Variants in DCLK1 observed in about 807,000 individuals in gnomAD.
The protein encoded by DCLK1 is doublecortin like kinase 1.
Under a neutral mutation model 86.2 loss-of-function variants are expected in DCLK1, and 16 were observed. That is an observed-to-expected ratio of 0.19 (90% CI 0.13 to 0.28). DCLK1 has a LOEUF of 0.28. Among genes scored for constraint, DCLK1 ranks in the 10% least tolerant of loss-of-function variants. DCLK1 has a pLI of 1.00. For missense variants in DCLK1, 590 were observed against 940.2 expected (o/e 0.63, Z 4.87); for synonymous variants, 369 against 370.5 (o/e 1.00, Z 0.05).
chr13:35,889,251 C>A (rs1470994169), intron 4 of DCLK1, among the ~76,000 whole-genome samples: 2 of 152,256 alleles, frequency 1.3e-5, no homozygotes, highest in East Asian at 3.9e-4. Context: ...AAATATCAAC[C>A]CTTCATGCAT....
chr13:35,995,389 A>G (rs1345601159), intron 3 of DCLK1, among the ~76,000 whole-genome samples: 1 of 152,214 alleles, frequency 6.6e-6, no homozygotes, highest in Non-Finnish European at 1.5e-5. Context: ...AATATTTTTA[A>G]TGGGCCACAC....
At chr13:35,955,649 A>C (rs553962484) in intron 3 of DCLK1, among the ~76,000 whole-genome samples, 1 of 152,302 alleles carries the variant, frequency 6.6e-6, no homozygotes, top group South Asian at 2.1e-4. Context: ...TTGGCCACCT[A>C]ATAGATGTGT....
chr13:35,928,569 TAC>T (rs1876254118), intron 4 of DCLK1, among the ~76,000 whole-genome samples: 1 of 152,220 alleles, frequency 6.6e-6, no homozygotes, highest in South Asian at 2.1e-4. Context: ...TACCTTCCGA[TAC>T]ACTAAGTAAT....
intron 3 of DCLK1, among the ~76,000 whole-genome samples, chr13:36,016,337 T>A (rs1881537066): frequency 6.6e-6 from 1 of 152,190 alleles, no homozygotes; most frequent in South Asian, 2.1e-4. Flanking sequence ...GTATTTCCTT[T>A]CTGCCATTAT....
At chr13:35,858,014 A>G (rs1431863715) in intron 5 of DCLK1, among the ~76,000 whole-genome samples, 1 of 152,316 alleles carries the variant, frequency 6.6e-6, no homozygotes, top group Admixed American at 6.5e-5. Context: ...AATGAGAAGA[A>G]AAACAAAAAC....
intron 15 of DCLK1, among the ~76,000 whole-genome samples, chr13:35,803,822 G>A (rs2086970793): frequency 1.3e-5 from 2 of 152,184 alleles, no homozygotes; most frequent in Non-Finnish European, 2.9e-5. Flanking sequence ...CAGTGCAGTA[G>A]GGAGGCTGGT....
chr13:35,834,662 G>A (rs991719401), intron 8 of DCLK1, among the ~76,000 whole-genome samples: 5 of 152,224 alleles, frequency 3.3e-5, no homozygotes, highest in Non-Finnish European at 7.3e-5. Context: ...CATTTTCCAT[G>A]TTTGGCACAA....
intron 3 of DCLK1, among the ~76,000 whole-genome samples, chr13:36,063,962 A>G (rs1883650916): frequency 6.6e-6 from 1 of 152,202 alleles, no homozygotes; most frequent in South Asian, 2.1e-4. Flanking sequence ...TTTTTAAAAC[A>G]TGACCTGAAG....
intron 3 of DCLK1, among the ~76,000 whole-genome samples, chr13:35,958,529 T>C (rs910348482): frequency 1.3e-5 from 2 of 150,942 alleles, no homozygotes; most frequent in African/African-American, 4.9e-5. Flanking sequence ...AACAGCAGTA[T>C]AACTACCAAT....
chr13:35,779,007 AATTT>A (rs937421158), intron 16 of DCLK1, among the ~76,000 whole-genome samples: 16 of 151,366 alleles, frequency 1.1e-4, no homozygotes, highest in African/African-American at 9.7e-5. Flanking sequence ...TGCCCACTCA[AATTT>A]ATTTATTTAT....
chr13:35,838,589 C>T (rs1475463632), intron 7 of DCLK1, among the ~76,000 whole-genome samples: 1 of 152,202 alleles, frequency 6.6e-6, no homozygotes, highest in Non-Finnish European at 1.5e-5. Flanking sequence ...ATCACAGAGA[C>T]ATTCTGCAGT....
chr13:35,853,533 G>C (rs1436402260), intron 6 of DCLK1, among the ~76,000 whole-genome samples: 2 of 152,176 alleles, frequency 1.3e-5, no homozygotes, highest in Non-Finnish European at 2.9e-5. Context: ...CACAACCTGT[G>C]CAGAAATCTT....
rs377513285 is a variant in DCLK1 at position 35,827,291 on chromosome 13, C to T, written c.1407+344G>A. Among the ~76,000 whole-genome samples, 281 of 152,306 alleles carry T rather than the reference C, an allele frequency of 1.8e-3. 9 individuals are homozygous for T. In the South Asian group the frequency reaches 0.048, roughly 26 times the overall value. Reference sequence around the variant, plus strand: ...AGTGAATGATTTTCCATTACAACAACGACAATTGTATTGGTACCTAATGCT... The same window carrying T: ...AGTGAATGATTTTCCATTACAACAATGACAATTGTATTGGTACCTAATGCT... On this transcript the variant is annotated intron_variant, in intron 10 of 16. Coordinates refer to ENST00000360631, the MANE Select transcript of DCLK1 (RefSeq NM_001330071.2).
intron 16 of DCLK1, among the ~76,000 whole-genome samples, chr13:35,786,049 T>G (rs1346994990): frequency 6.6e-6 from 1 of 152,222 alleles, no homozygotes; most frequent in Non-Finnish European, 1.5e-5. Flanking sequence ...GAGCACTTTA[T>G]GTGCGCAAGA....
At chr13:36,061,287 T>C (rs1262489005) in intron 3 of DCLK1, among the ~76,000 whole-genome samples, 2 of 152,162 alleles carry the variant, frequency 1.3e-5, no homozygotes, top group East Asian at 3.8e-4. Flanking sequence ...AGTTACAGCC[T>C]TGAAGTAAGC....
rs948623997 is a variant in DCLK1, at chr13:35,849,942, A to T, written c.1035+4557T>A. On this transcript the variant is annotated intron_variant, in intron 6 of 16. Transcript: ENST00000360631. The stretch of plus-strand genomic sequence containing the variant: ...ATATGATTGTAAGAAAAAATTATAC[A>T]ATCTATAGCAATGCCATTGGCCAAG... 3.1e-6 allele frequency: 3 copies of T among 956,460 alleles called. No individual in the cohort carries two copies. In the African/African-American group the frequency reaches 5.3e-5, roughly 17 times the overall value. 59.2% of individuals were successfully genotyped at this position (956,460 alleles called of 1,614,324 possible).
intron 3 of DCLK1, among the ~76,000 whole-genome samples, chr13:35,948,671 A>T (rs142255481): frequency 9.8e-5 from 15 of 152,342 alleles, no homozygotes; most frequent in African/African-American, 3.4e-4. Flanking sequence ...ATTTCTAAAT[A>T]ATCACTTGGC....
intron 8 of DCLK1, among the ~76,000 whole-genome samples, chr13:35,829,917 A>G (rs973425492): frequency 3.3e-5 from 5 of 152,188 alleles, no homozygotes; most frequent in African/African-American, 1.2e-4. Context: ...TTGATCTTTC[A>G]ACAAAGACTC....
chr13:35,826,117 G>A lies in DCLK1; in HGVS notation c.1407+1518C>T, dbSNP rs562090307. On this transcript the variant is annotated intron_variant, in intron 10 of 16. Coordinates refer to ENST00000360631, the MANE Select transcript of DCLK1 (RefSeq NM_001330071.2). ...GTGAGTCACTGCGCCTGGCCCATGAGACACTGCCCAGCCGACTTTTCTTTA... is the reference window on the plus strand; with the variant it reads ...GTGAGTCACTGCGCCTGGCCCATGAAACACTGCCCAGCCGACTTTTCTTTA... Among the ~76,000 whole-genome samples, 176 of 152,086 alleles carry A rather than the reference G, an allele frequency of 1.2e-3. 1 individual carries two copies. Among genetic ancestry groups the A allele is most frequent in the African/African-American group, 4.0e-3 (168 of 41,506 alleles).
Sources: gnomAD v4.1 joint callset for allele counts (sites outside exome capture counted in the v4.1 genomes callset) on GRCh38, gnomAD v4.1.1 for gene constraint, MANE v1.5 for transcripts, NCBI Gene and HGNC (gene_info 2026-07-23, HGNC 2026-07-21) for gene names.